CUL3: variants seen among roughly 807,000 people sequenced by gnomAD.
The protein encoded by CUL3 is cullin 3.
Under a neutral mutation model 89.1 loss-of-function variants are expected in CUL3, and 19 were observed. The observed-to-expected ratio is 0.21, with a 90% CI of 0.15 to 0.31. The LOEUF (loss-of-function observed/expected upper bound fraction) is 0.31, where lower values mean the gene tolerates loss of function less well. Among genes scored for constraint, CUL3 ranks in the 10% least tolerant of loss-of-function variants. The probability of loss-of-function intolerance (pLI) is 1.00; values close to 1 mark genes in which losing one functional copy is unlikely to be tolerated. For missense variants in CUL3, 469 were observed against 942.3 expected, an observed-to-expected ratio of 0.50 and a Z score of 6.58; for synonymous variants, 351 against 308.4, an observed-to-expected ratio of 1.14 and a Z score of -1.45.
chr2:224,535,717 TAATAA>T, intron 2 of CUL3, 76 bp from the exon 3 acceptor site: 1 of 822,358 alleles, frequency 1.2e-6, no homozygotes. Flanking sequence ...CATATCTGTT[TAATAA>T]AATAATGAAG....
intron 3 of CUL3, among the ~76,000 whole-genome samples, chr2:224,523,462 T>C: frequency 6.6e-6 from 1 of 150,772 alleles, no homozygotes; most frequent in East Asian, 1.9e-4. Flanking sequence ...TCGTGCACTG[T>C]TGGTGGAAAC....
At chr2:224,526,370 G>T (rs1267089904) in intron 3 of CUL3, among the ~76,000 whole-genome samples, 2 of 152,060 alleles carry the variant, frequency 1.3e-5, no homozygotes, top group Non-Finnish European at 2.9e-5. Flanking sequence ...TGGATCACCT[G>T]AGGTCGAAAG....
At chr2:224,524,116 TAAAA>T (rs1179257047) in intron 3 of CUL3, among the ~76,000 whole-genome samples, 1 of 152,096 alleles carries the variant, frequency 6.6e-6, no homozygotes, top group African/African-American at 2.4e-5. Flanking sequence ...CCCCAGTGTT[TAAAA>T]GCATCAAGAG....
In CUL3 at chr2:224,503,642, C is replaced by A; in HGVS notation, c.1377+10G>T. 6.4e-7 allele frequency: 1 copy of A among 1,560,662 alleles called. No homozygotes were observed. On this transcript the variant is annotated intron_variant, in intron 9 of 15. Coordinates refer to ENST00000264414, the MANE Select transcript of CUL3 (RefSeq NM_003590.5). ...TAGGTGCACTCTATTTCATCTAAAA[C>A]ACACCTTACCTTTAACTTAGATATC...
At chr2:224,478,513 G>A in intron 14 of CUL3, 168 bp from the exon 15 acceptor site, 3 of 488,150 alleles carry the variant, frequency 6.1e-6, no homozygotes, top group Middle Eastern at 4.9e-4. Context: ...ATGTTTACTT[G>A]AATACTAAAT....
At chr2:224,529,500 GT>G (rs1046367240) in intron 3 of CUL3, among the ~76,000 whole-genome samples, 2 of 151,184 alleles carry the variant, frequency 1.3e-5, no homozygotes, top group African/African-American at 4.9e-5. Flanking sequence ...GTGGTGGTGG[GT>G]GCCTGTAGTC....
chr2:224,551,407 G>A (rs1277995019), intron 2 of CUL3, among the ~76,000 whole-genome samples: 3 of 151,906 alleles, frequency 2.0e-5, no homozygotes, highest in Non-Finnish European at 4.4e-5. Flanking sequence ...TGGTTTCACC[G>A]TGTTAGCCAG....
chr2:224,527,394 C>CTA (rs1204232956), intron 3 of CUL3, among the ~76,000 whole-genome samples: 1 of 151,952 alleles, frequency 6.6e-6, no homozygotes, highest in Non-Finnish European at 1.5e-5. Context: ...TGTTCTTATC[C>CTA]TATCTTCTGG....
intron 1 of CUL3, 39 bp from the exon 2 acceptor site, chr2:224,557,895 A>AC (rs1694769530): frequency 8.7e-7 from 1 of 1,152,460 alleles, no homozygotes; most frequent in Non-Finnish European, 1.2e-6. Flanking sequence ...AAAAAAAAAA[A>AC]AAAAAAAAAA....
At chr2:224,543,096 A>G (rs1459623946) in intron 2 of CUL3, among the ~76,000 whole-genome samples, 2 of 152,234 alleles carry the variant, frequency 1.3e-5, no homozygotes, top group Non-Finnish European at 2.9e-5. Context: ...AATCCTAATT[A>G]AATGTCTAGG....
At chr2:224,569,497 G>GC (rs1281629916) in intron 1 of CUL3, among the ~76,000 whole-genome samples, 1 of 152,088 alleles carries the variant, frequency 6.6e-6, no homozygotes, top group Non-Finnish European at 1.5e-5. Context: ...AGTGATCTTT[G>GC]CCTCCTTACC....
intron 1 of CUL3, among the ~76,000 whole-genome samples, chr2:224,569,304 T>A (rs1430595569): frequency 6.6e-6 from 1 of 152,148 alleles, no homozygotes; most frequent in Admixed American, 6.5e-5. Context: ...TATCTAATTA[T>A]CAGATGTATA....
intron 2 of CUL3, among the ~76,000 whole-genome samples, chr2:224,553,404 T>C (rs1201971946): frequency 6.6e-6 from 1 of 152,200 alleles, no homozygotes; most frequent in Non-Finnish European, 1.5e-5. Flanking sequence ...TGATCATTAA[T>C]GACTATGTAT....
chr2:224,494,464 ATTAG>A (rs1001931419), intron 13 of CUL3, among the ~76,000 whole-genome samples: 1 of 152,184 alleles, frequency 6.6e-6, no homozygotes, highest in Non-Finnish European at 1.5e-5. Flanking sequence ...ATATTATAAA[ATTAG>A]TTACTCTAAT....
At chr2:224,488,815 A>G (rs1343424606) in intron 13 of CUL3, among the ~76,000 whole-genome samples, 2 of 152,224 alleles carry the variant, frequency 1.3e-5, no homozygotes, top group Non-Finnish European at 2.9e-5. Flanking sequence ...ACAAAAAAAG[A>G]AAATTTCAGG....
chr2:224,572,849 A>C (rs1356027113), intron 1 of CUL3, among the ~76,000 whole-genome samples: 1 of 152,208 alleles, frequency 6.6e-6, no homozygotes, highest in Non-Finnish European at 1.5e-5. Flanking sequence ...AGCAGACAGC[A>C]GCCCTCTCCA....
chr2:224,516,304 T>A (rs1340838772), intron 3 of CUL3, among the ~76,000 whole-genome samples: 2 of 149,970 alleles, frequency 1.3e-5, no homozygotes, highest in Non-Finnish European at 3.0e-5. Flanking sequence ...ACCACGTCCC[T>A]CCTTTTTTGT....
chr2:224,546,319 A>G (rs750856890), intron 2 of CUL3, among the ~76,000 whole-genome samples: 9 of 152,184 alleles, frequency 5.9e-5, no homozygotes, highest in Non-Finnish European at 1.3e-4. Context: ...TCAAGATAAC[A>G]TGATCTGGTT....
chr2:224,525,779 T>G (rs943734764), intron 3 of CUL3, among the ~76,000 whole-genome samples: 2 of 152,254 alleles, frequency 1.3e-5, no homozygotes, highest in Admixed American at 6.5e-5. Context: ...CTAAAGAAAC[T>G]GTGATCAACT....
Sources: allele counts gnomAD v4.1 joint callset (sites outside exome capture counted in the v4.1 genomes callset), GRCh38; gene constraint gnomAD v4.1.1; transcripts MANE v1.5; gene names NCBI Gene and HGNC (gene_info 2026-07-23, HGNC 2026-07-21).